The following SECISBP2 variants were observed in gnomAD, a reference collection of about 807,000 sequenced individuals.
The protein encoded by SECISBP2 is SECIS binding protein 2.
In SECISBP2, 96 loss-of-function variants were observed where a neutral mutation model predicts 98.2. The observed-to-expected ratio is 0.98, with a 90% CI of 0.83 to 1.16. The LOEUF is 1.16. SECISBP2 is among the 50% of genes most tolerant of loss of function. The pLI is 0.00. For missense variants in SECISBP2, 1,046 were observed against 1,022.9 expected, an observed-to-expected ratio of 1.02 and a Z score of -0.31; for synonymous variants, 407 against 370.2, an observed-to-expected ratio of 1.10 and a Z score of -1.14.
chr9:89,358,732 A>C lies in SECISBP2; in HGVS notation c.2473A>C (p.Lys825Gln), dbSNP rs371064350. Residue 825 changes from lysine to glutamine, a missense_variant, in exon 17 of 17, where the codon AAA becomes CAA. Transcript: ENST00000375807. ...TTTTCTCATTTTAGTTGAAATCTGG[A>C]AAAAACATCTGGAAGCATACAGTGG... ...KEEPHYIEIW[K>Q]KHLEAYSGCT... 4.3e-6 allele frequency: 7 copies of C among 1,612,350 alleles called. No individual in the cohort carries two copies. Among genetic ancestry groups the C allele is most frequent in the Non-Finnish European group, 5.9e-6 (7 of 1,178,480 alleles).
intron 2 of SECISBP2, chr9:89,323,109 C>T (rs187750255): frequency 3.9e-5 from 6 of 152,190 alleles, no homozygotes; most frequent in African/African-American, 1.2e-4. Flanking sequence ...CAAAAATATT[C>T]GGTTGAATAC....
chr9:89,362,528 C>G (rs45440499), downstream of SECISBP2: 129,267 of 1,599,120 alleles, frequency 0.081, 5,986 homozygotes, highest in Middle Eastern at 0.13. Context: ...GCAGAGCACT[C>G]AAGGCCTCAG....
rs975572011 is a variant in SECISBP2, at chr9:89,350,714, A to G, written c.1975A>G (p.Met659Val). Residue 659 changes from methionine to valine, a missense_variant, in exon 14 of 17, where the codon ATG becomes GTG. Coordinates refer to ENST00000375807, the MANE Select transcript of SECISBP2 (RefSeq NM_024077.5). ...AGAACTGGTCCGTTTCCAAGACCGT[A>G]TGTACCAGAAAGATCCAGTCAAGGC... ...LKELVRFQDR[M>V]YQKDPVKAKT... The G allele has an allele frequency of 1.2e-6, 2 of 1,614,210 alleles. No homozygotes were observed. Among genetic ancestry groups the G allele is most frequent in the Non-Finnish European group, 1.7e-6 (2 of 1,180,036 alleles).
downstream of SECISBP2, chr9:89,363,950 C>T (rs1299364980): frequency 6.2e-7 from 1 of 1,614,058 alleles, no homozygotes; most frequent in South Asian, 1.1e-5. Context: ...GTCTGCAGGA[C>T]CTGGGGACAC....
chr9:89,357,349 A>G (rs1832245227), intron 14 of SECISBP2, 62 bp from the exon 15 acceptor site: 2 of 1,589,100 alleles, frequency 1.3e-6, no homozygotes, highest in African/African-American at 2.7e-5. Context: ...CTTTGCAACC[A>G]GTATTAACAC....
intron 5 of SECISBP2, among the ~76,000 whole-genome samples, chr9:89,330,743 G>A (rs148807141): frequency 3.9e-5 from 6 of 152,206 alleles, no homozygotes; most frequent in African/African-American, 1.2e-4. Context: ...TCCAGGCTGG[G>A]TTTGTGCGGT....
At chr9:89,331,307 AC>A (rs1397258164) in intron 5 of SECISBP2, among the ~76,000 whole-genome samples, 1 of 152,170 alleles carries the variant, frequency 6.6e-6, no homozygotes, top group East Asian at 1.9e-4. Flanking sequence ...AATTTATTTA[AC>A]CATTCTTGAA....
intron 5 of SECISBP2, among the ~76,000 whole-genome samples, chr9:89,331,421 CAT>C (rs1288835318): frequency 2.6e-5 from 4 of 152,214 alleles, no homozygotes; most frequent in South Asian, 4.1e-4. Flanking sequence ...TTCCTGGACT[CAT>C]GTTATGAATT....
intron 13 of SECISBP2, 50 bp from the exon 14 acceptor site, chr9:89,350,582 G>A: frequency 6.6e-7 from 1 of 1,513,278 alleles, no homozygotes; most frequent in Non-Finnish European, 9.2e-7. Flanking sequence ...GAGCAGTGCT[G>A]CAGTGTCACA....
intron 9 of SECISBP2, 29 bp downstream of exon 9, chr9:89,339,982 C>T (rs371307627): frequency 6.7e-7 from 1 of 1,501,922 alleles, no homozygotes; most frequent in Non-Finnish European, 9.3e-7. Flanking sequence ...CCACAAATTG[C>T]TTTAGGCTTA....
chr9:89,357,862 G>A (rs1381353454), intron 15 of SECISBP2, 137 bp from the exon 16 acceptor site: 2 of 1,029,312 alleles, frequency 1.9e-6, no homozygotes, highest in Admixed American at 2.0e-5. Context: ...AGCATCCCTG[G>A]TACCCACCCA....
In SECISBP2 at chr9:89,318,544, C is replaced by G; in HGVS notation, c.-33C>G. 1 of 1,511,560 alleles carries G rather than the reference C, an allele frequency of 6.6e-7. No homozygotes were observed. Among genetic ancestry groups the G allele is most frequent in the Non-Finnish European group, 8.8e-7 (1 of 1,135,566 alleles). 93.6% of individuals were successfully genotyped at this position (1,511,560 alleles called of 1,614,324 possible). On this transcript the variant is annotated 5_prime_UTR_variant, in exon 1 of 17. Coordinates refer to ENST00000375807, the MANE Select transcript of SECISBP2 (RefSeq NM_024077.5). ...GGCAAGCCGACGGCCCGCTGCTGGC[C>G]TCCGTGACGCGGCCTCCTCCGCGCC...
intron 4 of SECISBP2, 113 bp from the exon 5 acceptor site, chr9:89,328,547 A>G: frequency 2.5e-6 from 2 of 797,094 alleles, no homozygotes; most frequent in Admixed American, 2.0e-5. Flanking sequence ...GTGTTTTGAC[A>G]ACAACCTGTT....
rs949774318 is a variant in SECISBP2, at chr9:89,325,691, T to C, written c.432+15T>C. On this transcript the variant is annotated intron_variant, in intron 3 of 16. Coordinates refer to ENST00000375807, the MANE Select transcript of SECISBP2 (RefSeq NM_024077.5). ...CTCTGTTTAAGGTGAGTAGTGATGT[T>C]GTTTTGTTGTGTCCTTTAGTTGGTT... 8.7e-6 allele frequency: 14 copies of C among 1,614,062 alleles called. No homozygotes were observed. The highest frequency in any genetic ancestry group is 1.2e-5 in the Non-Finnish European group (14 of 1,180,030).
intron 3 of SECISBP2, 49 bp from the exon 4 acceptor site, chr9:89,325,848 T>C (rs1219688728): frequency 6.2e-6 from 10 of 1,612,112 alleles, no homozygotes; most frequent in Non-Finnish European, 8.5e-6. Context: ...TTTAAACCTT[T>C]TTTATAGTGG....
chr9:89,339,294 A>C (rs1428382038), intron 8 of SECISBP2, among the ~76,000 whole-genome samples: 1 of 152,236 alleles, frequency 6.6e-6, no homozygotes, highest in Admixed American at 6.5e-5. Context: ...ATCATTTGAG[A>C]ATAGCTGGGT....
intron 10 of SECISBP2, among the ~76,000 whole-genome samples, chr9:89,345,214 T>C (rs1330850923): frequency 6.6e-6 from 1 of 152,216 alleles, no homozygotes; most frequent in Non-Finnish European, 1.5e-5. Context: ...GCCCTGTCTG[T>C]TGCTTGACTG....
At chr9:89,357,389 T>G in intron 14 of SECISBP2, 22 bp from the exon 15 acceptor site, 1 of 1,613,948 alleles carries the variant, frequency 6.2e-7, no homozygotes, top group Non-Finnish European at 8.5e-7. Flanking sequence ...CTTCCTGTCA[T>G]TTTTCATTGT....
At chr9:89,334,414 A>G (rs1828278649) in intron 6 of SECISBP2, 108 bp from the exon 7 acceptor site, 2 of 967,718 alleles carry the variant, frequency 2.1e-6, no homozygotes, top group Non-Finnish European at 3.3e-6. Context: ...GATAGCCTAC[A>G]TTTAATGATG....
Sources: gnomAD v4.1 joint callset for allele counts (sites outside exome capture counted in the v4.1 genomes callset) on GRCh38, gnomAD v4.1.1 for gene constraint, MANE v1.5 for transcripts, NCBI Gene and HGNC (gene_info 2026-07-23, HGNC 2026-07-21) for gene names.